Variants in KIRREL3 observed in about 807,000 individuals in gnomAD.
KIRREL3 encodes kirre like nephrin family adhesion molecule 3.
A neutral mutation model predicts 89.7 loss-of-function variants in KIRREL3; 36 were observed. The observed-to-expected ratio is 0.40, with a 90% CI of 0.31 to 0.53. The LOEUF (loss-of-function observed/expected upper bound fraction) is 0.53. Ranked by LOEUF, KIRREL3 falls within the 20% of genes least tolerant of loss-of-function variation. The pLI, the probability that KIRREL3 is intolerant of heterozygous loss-of-function variation, is 0.49. For synonymous variants in KIRREL3, 445 were observed against 441.4 expected, an observed-to-expected ratio of 1.01 and a Z score of -0.10; for missense variants, 864 against 1,056.6, an observed-to-expected ratio of 0.82 and a Z score of 2.53.
rs1190438984 is a variant in KIRREL3, at chr11:126,579,351, T to C, written c.56-16439A>G. 1.3e-5 allele frequency among the ~76,000 whole-genome samples: 2 copies of C among 152,144 alleles called. No homozygotes were observed. The highest frequency in any genetic ancestry group is 2.9e-5 in the Non-Finnish European group (2 of 68,020). ...CTCTGTCAGTTATGACTTCCTCGGG[T>C]ACCTGAGACTGTAGCTCCTCATTTC... On this transcript the variant is annotated intron_variant, in intron 1 of 16. Transcript: ENST00000525144. The surrounding 1 kb of genome is among the most constrained non-coding windows in gnomAD (Gnocchi z 5.3).
chr11:126,919,660 A>T (rs1041322740), intron 1 of KIRREL3, among the ~76,000 whole-genome samples: 1 of 152,338 alleles, frequency 6.6e-6, no homozygotes, highest in African/African-American at 2.4e-5. Flanking sequence ...GTTGTGCAGA[A>T]GCTCTTGAAC....
rs578152853 is a variant in KIRREL3 at position 126,640,702 on chromosome 11, A to G, written c.56-77790T>C. Among the ~76,000 whole-genome samples the G allele has an allele frequency of 1.3e-5, 2 of 152,282 alleles. No individual in the cohort carries two copies. The highest frequency in any genetic ancestry group is 6.5e-5 in the Admixed American group (1 of 15,296). On this transcript the variant is annotated intron_variant, in intron 1 of 16. Coordinates refer to ENST00000525144, the MANE Select transcript of KIRREL3 (RefSeq NM_032531.4). The surrounding 1 kb of genome is among the most constrained non-coding windows in gnomAD (Gnocchi z 4.9). ...GTTCTTTCTGAATCTGGAATGAACC[A>G]TGGGACCCTTGGGTTGAAGACTATG...
chr11:126,573,855 C>T (rs1480749632), intron 1 of KIRREL3, among the ~76,000 whole-genome samples: 2 of 151,992 alleles, frequency 1.3e-5, no homozygotes, highest in Non-Finnish European at 2.9e-5. Flanking sequence ...AGCAGATCCG[C>T]GGGGGGACCT....
rs1957452629 is a variant in KIRREL3 at position 126,489,480 on chromosome 11, GT to G, written c.434-16015del. 1.3e-5 allele frequency among the ~76,000 whole-genome samples: 2 copies of G among 152,200 alleles called. No individual in the cohort carries two copies. The highest frequency in any genetic ancestry group is 4.8e-5 in the African/African-American group (2 of 41,440). On this transcript the variant is annotated intron_variant, in intron 4 of 16. Transcript: ENST00000525144. This position sits in a 1 kb window ranked among gnomAD's most constrained non-coding sequence, Gnocchi z 5.5. ...TTGATAAGCATGGAGTGTCAACTATGTTCCAAAAGCTTCCTGATGGCCCTAT... is the reference window on the plus strand; with the variant it reads ...TTGATAAGCATGGAGTGTCAACTATGTCCAAAAGCTTCCTGATGGCCCTAT...
rs1457495819 is a variant in KIRREL3, at chr11:126,628,362, G to A, written c.56-65450C>T. Among the ~76,000 whole-genome samples, 1 of 152,154 alleles carries A rather than the reference G, an allele frequency of 6.6e-6. No individual in the cohort carries two copies. The highest frequency in any genetic ancestry group is 2.4e-5 in the African/African-American group (1 of 41,440). On this transcript the variant is annotated intron_variant, in intron 1 of 16. Coordinates refer to ENST00000525144, the MANE Select transcript of KIRREL3 (RefSeq NM_032531.4). The surrounding 1 kb of genome is among the most constrained non-coding windows in gnomAD (Gnocchi z 5.2). The stretch of plus-strand genomic sequence containing the variant: ...CTGCTGGAGTACCTTCCAGGCTGTG[G>A]AGGCAGGGAGCTGACTTCACAGTGA...
In KIRREL3 at chr11:126,562,048, G is replaced by A. The variant is rs1298115309; in HGVS notation, c.133+787C>T. On this transcript the variant is annotated intron_variant, in intron 2 of 16. Transcript: ENST00000525144. The surrounding 1 kb of genome is among the most constrained non-coding windows in gnomAD (Gnocchi z 4.7). ...GCTGGTGGGAGCCAAGGCTTCATTT[G>A]TCTGACTTTAATGAATAAATGGCAT... 2.0e-5 allele frequency among the ~76,000 whole-genome samples: 3 copies of A among 152,206 alleles called. No homozygotes were observed. The highest frequency in any genetic ancestry group is 2.9e-5 in the Non-Finnish European group (2 of 68,038).
chr11:126,896,906 T>C lies in KIRREL3; in HGVS notation c.55+103549A>G, dbSNP rs147804069. On this transcript the variant is annotated intron_variant, in intron 1 of 16. Coordinates refer to ENST00000525144, the MANE Select transcript of KIRREL3 (RefSeq NM_032531.4). The surrounding 1 kb of genome is among the most constrained non-coding windows in gnomAD (Gnocchi z 4.1). Reference sequence around the variant, plus strand: ...CACGCAGTGGGGATCTTAACAGGCATTGCCATTTCTTTTGCTTGATATTTC... The same window carrying C: ...CACGCAGTGGGGATCTTAACAGGCACTGCCATTTCTTTTGCTTGATATTTC... Among the ~76,000 whole-genome samples, 46 of 152,254 alleles carry C rather than the reference T, an allele frequency of 3.0e-4. No homozygotes were observed. Among genetic ancestry groups the C allele is most frequent in the African/African-American group, 1.0e-3 (43 of 41,550 alleles).
chr11:126,451,978 C>T (rs1422085720), intron 7 of KIRREL3, among the ~76,000 whole-genome samples: 1 of 152,094 alleles, frequency 6.6e-6, no homozygotes, highest in Non-Finnish European at 1.5e-5. Context: ...TGCTTTGCCT[C>T]CCCTTTATCT....
chr11:126,484,386 C>A lies in KIRREL3; in HGVS notation c.434-10920G>T, dbSNP rs1957296452. 6.6e-6 allele frequency among the ~76,000 whole-genome samples: 1 copy of A among 152,190 alleles called. No homozygotes were observed. Among genetic ancestry groups the A allele is most frequent in the Non-Finnish European group, 1.5e-5 (1 of 68,046 alleles). The stretch of plus-strand genomic sequence containing the variant: ...CATTGATATAGGGCTTACCACACAG[C>A]AAGAACTCTTCTGTGTACTTTACAA... On this transcript the variant is annotated intron_variant, in intron 4 of 16. Transcript: ENST00000525144. This position sits in a 1 kb window ranked among gnomAD's most constrained non-coding sequence, Gnocchi z 5.2.
At chr11:126,603,301 C>A (rs1325729407) in intron 1 of KIRREL3, among the ~76,000 whole-genome samples, 6 of 152,210 alleles carry the variant, frequency 3.9e-5, no homozygotes, top group Non-Finnish European at 8.8e-5. Context: ...CTCCTGGCAT[C>A]ATCTCACAGC....
Position 126,500,176 on chromosome 11 carries a change from G to C in KIRREL3, c.433+21139C>G, listed in dbSNP as rs978126849. ...CTGTTGGGTTGTCGGAGTACGATTAGGTGGAATTTGGCCAGTAGTTGCAGG... is the reference window on the plus strand; with the variant it reads ...CTGTTGGGTTGTCGGAGTACGATTACGTGGAATTTGGCCAGTAGTTGCAGG... On this transcript the variant is annotated intron_variant, in intron 4 of 16. Transcript: ENST00000525144. Among the ~76,000 whole-genome samples the C allele has an allele frequency of 4.9e-4, 74 of 152,200 alleles. 1 individual carries two copies. Among genetic ancestry groups the C allele is most frequent in the Admixed American group, 1.8e-3 (27 of 15,280 alleles).
chr11:126,694,277 G>T lies in KIRREL3; in HGVS notation c.56-131365C>A, dbSNP rs1346872418. ...ACCTTGGAAATGCTCACTGCAAATG[G>T]TTGTTCTTGTTTTATTGCTTATTTA... On this transcript the variant is annotated intron_variant, in intron 1 of 16. Transcript: ENST00000525144. This position sits in a 1 kb window ranked among gnomAD's most constrained non-coding sequence, Gnocchi z 4.4. 1.3e-5 allele frequency among the ~76,000 whole-genome samples: 2 copies of T among 152,340 alleles called. No homozygotes were observed. The highest frequency in any genetic ancestry group is 1.5e-5 in the Non-Finnish European group (1 of 68,030).
At position 126,561,769 on chromosome 11, in the gene KIRREL3, A is replaced by G. The variant is rs1474065284; in HGVS notation, c.133+1066T>C. On this transcript the variant is annotated intron_variant, in intron 2 of 16. Coordinates refer to ENST00000525144, the MANE Select transcript of KIRREL3 (RefSeq NM_032531.4). The surrounding 1 kb of genome is among the most constrained non-coding windows in gnomAD (Gnocchi z 4.5). ...ATTGTGCTGGCCTAACTCTTGTCAG[A>G]TTGTCACCATGATGGGTGCTGGAAA... Among the ~76,000 whole-genome samples, 1 of 152,120 alleles carries G rather than the reference A, an allele frequency of 6.6e-6. No homozygotes were observed. The highest frequency in any genetic ancestry group is 1.5e-5 in the Non-Finnish European group (1 of 68,026).
chr11:126,958,056 T>C (rs750615278), intron 1 of KIRREL3, among the ~76,000 whole-genome samples: 5 of 152,206 alleles, frequency 3.3e-5, no homozygotes, highest in East Asian at 1.9e-4. Flanking sequence ...TGGATCGAAA[T>C]TGTAGCTTTG....
In KIRREL3 at chr11:126,608,706, ACTC is replaced by A. The variant is rs554469710; in HGVS notation, c.56-45797_56-45795del. Among the ~76,000 whole-genome samples, 260 of 152,048 alleles carry A rather than the reference ACTC, an allele frequency of 1.7e-3. No homozygotes were observed. The highest frequency in any genetic ancestry group is 5.9e-3 in the African/African-American group (243 of 41,476). Reference sequence around the variant, plus strand: ...GATGGTGGTCCCAGAGGCACTGAGGACTCCTCCTGGAGGCAGGCAGGGGGCTGT... The same window carrying A: ...GATGGTGGTCCCAGAGGCACTGAGGACTCCTGGAGGCAGGCAGGGGGCTGT... On this transcript the variant is annotated intron_variant, in intron 1 of 16. Transcript: ENST00000525144. This position sits in a 1 kb window ranked among gnomAD's most constrained non-coding sequence, Gnocchi z 4.9.
rs1339154082 is a variant in KIRREL3, at chr11:126,684,070, C to T, written c.56-121158G>A. Among the ~76,000 whole-genome samples the T allele has an allele frequency of 2.0e-5, 3 of 152,222 alleles. No homozygotes were observed. Among genetic ancestry groups the T allele is most frequent in the East Asian group, 1.9e-4 (1 of 5,182 alleles). ...GCACTGTCTGATCTGCTGACAGCCGCGACCCTGCCACCTGCTCAGTGGGAT... is the reference window on the plus strand; with the variant it reads ...GCACTGTCTGATCTGCTGACAGCCGTGACCCTGCCACCTGCTCAGTGGGAT... On this transcript the variant is annotated intron_variant, in intron 1 of 16. Transcript: ENST00000525144. The surrounding 1 kb of genome is among the most constrained non-coding windows in gnomAD (Gnocchi z 4.2).
chr11:126,446,695 C>T (rs565669308), intron 9 of KIRREL3, 64 bp downstream of exon 9: 8 of 1,514,868 alleles, frequency 5.3e-6, no homozygotes, highest in South Asian at 4.9e-5. Context: ...GGCAGCAGTT[C>T]CTTCTTGCTC....
At chr11:126,893,244 T>C (rs554757301) in intron 1 of KIRREL3, among the ~76,000 whole-genome samples, 1 of 152,340 alleles carries the variant, frequency 6.6e-6, no homozygotes, top group East Asian at 1.9e-4. Context: ...TGGGGTTATG[T>C]CTGATGCCCC....
At position 126,837,021 on chromosome 11, in the gene KIRREL3, G is replaced by A. The variant is rs1265366078; in HGVS notation, c.55+163434C>T. Among the ~76,000 whole-genome samples, 2 of 149,836 alleles carry A rather than the reference G, an allele frequency of 1.3e-5. No homozygotes were observed. Among genetic ancestry groups the A allele is most frequent in the Non-Finnish European group, 3.0e-5 (2 of 67,500 alleles). On this transcript the variant is annotated intron_variant, in intron 1 of 16. Transcript: ENST00000525144. The surrounding 1 kb of genome is among the most constrained non-coding windows in gnomAD (Gnocchi z 4.7). The stretch of plus-strand genomic sequence containing the variant: ...TGGGCCTGACCCATAGAAGATATTT[G>A]TTAAGTATTTTTTTGGGGGGCGGGG...
Sources: allele counts gnomAD v4.1 joint callset (sites outside exome capture counted in the v4.1 genomes callset), GRCh38; gene constraint gnomAD v4.1.1; non-coding constraint Gnocchi (gnomAD v3.1); transcripts MANE v1.5; gene names NCBI Gene and HGNC (gene_info 2026-07-23, HGNC 2026-07-21).